PTPRD: variants seen among roughly 807,000 people sequenced by gnomAD.
PTPRD encodes the protein protein tyrosine phosphatase receptor type D.
PTPRD carries 34 observed loss-of-function variants against 214.5 expected under a neutral mutation model. The ratio of observed to expected loss-of-function variants is 0.16; its 90% CI spans 0.12 to 0.21. The LOEUF (loss-of-function observed/expected upper bound fraction) is 0.21, where lower values mean the gene tolerates loss of function less well. PTPRD is among the 10% of genes least tolerant of loss of function. The pLI is 1.00. For missense variants in PTPRD, 2,545 were observed against 2,398.7 expected, an observed-to-expected ratio of 1.06 and a Z score of -1.27; for synonymous variants, 1,128 against 845.7, an observed-to-expected ratio of 1.33 and a Z score of -5.79.
intron 8 of PTPRD, among the ~76,000 whole-genome samples, chr9:9,549,377 C>T (rs531634250): frequency 9.3e-4 from 142 of 152,080 alleles, no homozygotes; most frequent in African/African-American, 3.3e-3. Context: ...TCTGAAAAGA[C>T]ATTTTAAAAT....
intron 10 of PTPRD, among the ~76,000 whole-genome samples, chr9:9,079,180 T>G (rs573079385): frequency 2.0e-5 from 3 of 152,170 alleles, no homozygotes; most frequent in Admixed American, 2.0e-4. Context: ...TTTGTATCCT[T>G]TAACAAATCT....
At chr9:8,948,971 C>T (rs914827037) in intron 11 of PTPRD, among the ~76,000 whole-genome samples, 6 of 152,012 alleles carry the variant, frequency 3.9e-5, no homozygotes, top group Middle Eastern at 3.4e-3. Flanking sequence ...TGGTGGCTCA[C>T]GCCTGTAGTC....
At chr9:8,906,823 A>G (rs1400524868) in intron 11 of PTPRD, among the ~76,000 whole-genome samples, 1 of 152,036 alleles carries the variant, frequency 6.6e-6, no homozygotes, top group Non-Finnish European at 1.5e-5. Flanking sequence ...GGAGATCCGA[A>G]AAATGAGAGC....
intron 12 of PTPRD, among the ~76,000 whole-genome samples, chr9:8,683,253 T>C (rs1392432108): frequency 6.6e-6 from 1 of 152,198 alleles, no homozygotes; most frequent in Non-Finnish European, 1.5e-5. Flanking sequence ...ATTCATGATT[T>C]GACTGTCAGG....
intron 5 of PTPRD, among the ~76,000 whole-genome samples, chr9:9,921,769 A>C (rs1291555950): frequency 6.6e-6 from 1 of 151,800 alleles, no homozygotes; most frequent in African/African-American, 2.4e-5. Flanking sequence ...AAAAAAACTA[A>C]AGATAGTAGA....
intron 33 of PTPRD, among the ~76,000 whole-genome samples, chr9:8,453,766 T>G (rs1325790240): frequency 1.3e-5 from 2 of 152,162 alleles, no homozygotes; most frequent in Non-Finnish European, 2.9e-5. Flanking sequence ...ACTTTCTGAT[T>G]TAGTAGGTCT....
At chr9:9,006,370 T>C (rs559824587) in intron 11 of PTPRD, among the ~76,000 whole-genome samples, 1 of 152,060 alleles carries the variant, frequency 6.6e-6, no homozygotes, top group African/African-American at 2.4e-5. Context: ...ACAAAACATA[T>C]ACTTTTAAAA....
chr9:9,906,368 A>G (rs2077568254), intron 5 of PTPRD, among the ~76,000 whole-genome samples: 1 of 151,896 alleles, frequency 6.6e-6, no homozygotes. Context: ...CTCAATTGTT[A>G]TCGTTGTCTT....
At chr9:9,858,590 A>G (rs187654302) in intron 5 of PTPRD, among the ~76,000 whole-genome samples, 7 of 152,332 alleles carry the variant, frequency 4.6e-5, no homozygotes, top group African/African-American at 1.7e-4. Context: ...GACTCAGAAC[A>G]TGAAGCAGCA....
At chr9:8,730,781 G>A (rs566435108) in intron 12 of PTPRD, among the ~76,000 whole-genome samples, 5 of 152,112 alleles carry the variant, frequency 3.3e-5, no homozygotes, top group African/African-American at 7.2e-5. Flanking sequence ...AATGGTTCTC[G>A]GAGCACTACC....
intron 35 of PTPRD, among the ~76,000 whole-genome samples, chr9:8,409,520 T>C (rs2093342823): frequency 6.6e-6 from 1 of 152,208 alleles, no homozygotes; most frequent in East Asian, 1.9e-4. Flanking sequence ...ATCATCAATT[T>C]GCACATCAGA....
At chr9:9,715,246 T>C (rs995033337) in intron 7 of PTPRD, among the ~76,000 whole-genome samples, 4 of 152,184 alleles carry the variant, frequency 2.6e-5, no homozygotes, top group African/African-American at 9.7e-5. Flanking sequence ...TCCTACTATA[T>C]TGCGGGCAAT....
chr9:8,934,171 T>C (rs1182719730), intron 11 of PTPRD, among the ~76,000 whole-genome samples: 2 of 151,372 alleles, frequency 1.3e-5, no homozygotes, highest in Non-Finnish European at 2.9e-5. Flanking sequence ...CACTTGTTGA[T>C]TGAGAAGATG....
chr9:8,952,494 G>A (rs527736157), intron 11 of PTPRD, among the ~76,000 whole-genome samples: 2 of 151,952 alleles, frequency 1.3e-5, no homozygotes, highest in African/African-American at 2.4e-5. Context: ...TAACATGTGC[G>A]TAGATACACA....
chr9:9,483,846 C>T (rs1325447139), intron 8 of PTPRD, among the ~76,000 whole-genome samples: 12 of 151,144 alleles, frequency 7.9e-5, no homozygotes, highest in African/African-American at 2.4e-5. Flanking sequence ...TTTGGACCTG[C>T]CTACTTCTCT....
intron 7 of PTPRD, among the ~76,000 whole-genome samples, chr9:9,732,632 G>A (rs1049389332): frequency 2.0e-5 from 3 of 152,142 alleles, no homozygotes; most frequent in Non-Finnish European, 4.4e-5. Flanking sequence ...GATGGAAATG[G>A]GGAGGCAAAA....
chr9:9,043,373 G>A (rs1217756855), intron 10 of PTPRD, among the ~76,000 whole-genome samples: 1 of 152,134 alleles, frequency 6.6e-6, no homozygotes, highest in East Asian at 1.9e-4. Context: ...CCTACCTGTA[G>A]ATAGGTGTCA....
chr9:8,532,008 C>A (rs1237919497), intron 14 of PTPRD, among the ~76,000 whole-genome samples: 1 of 151,952 alleles, frequency 6.6e-6, no homozygotes, highest in Non-Finnish European at 1.5e-5. Context: ...CACGAGTGCA[C>A]AACAAAGATA....
At position 8,507,677 on chromosome 9, in the gene PTPRD, G is replaced by A. The variant is rs527462461; in HGVS notation, c.1544-243C>T. On this transcript the variant is annotated intron_variant, in intron 21 of 45. Transcript: ENST00000381196. The stretch of plus-strand genomic sequence containing the variant: ...ATATAGTAGAACTAATAAGTATAAA[G>A]TATATCGGCCTCTGAATTCAATTTT... 2.6e-5 allele frequency among the ~76,000 whole-genome samples: 4 copies of A among 152,230 alleles called. No homozygotes were observed. The South Asian group carries it at 8.3e-4, about 32-fold the overall frequency.
Sources: allele counts gnomAD v4.1 joint callset (sites outside exome capture counted in the v4.1 genomes callset), GRCh38; gene constraint gnomAD v4.1.1; transcripts MANE v1.5; gene names NCBI Gene and HGNC (gene_info 2026-07-23, HGNC 2026-07-21).